The following MAPT variants were observed in gnomAD, a reference collection of about 807,000 sequenced individuals.
The protein encoded by MAPT is microtubule-associated protein tau.
In MAPT, 34 loss-of-function variants were observed where a neutral mutation model predicts 67.9. That is an observed-to-expected ratio of 0.50 (90% confidence interval 0.38 to 0.67). The LOEUF is 0.67. Ranked by LOEUF, MAPT falls within the 30% of genes least tolerant of loss-of-function variation. MAPT has a pLI of 0.00. For missense variants in MAPT, 881 were observed against 1,115.2 expected, an observed-to-expected ratio of 0.79 and a Z score of 2.99; for synonymous variants, 456 against 464.5, an observed-to-expected ratio of 0.98 and a Z score of 0.23.
At chr17:45,991,982 C>T (rs2074094172) in intron 8 of MAPT, among the ~76,000 whole-genome samples, 1 of 151,946 alleles carries the variant, frequency 6.6e-6, no homozygotes. Context: ...GACAGGGTTT[C>T]ACCATGTTGG....
chr17:45,996,188 A>C lies in MAPT; in HGVS notation c.1733-211A>C, dbSNP rs1383106803. 2.0e-5 allele frequency among the ~76,000 whole-genome samples: 3 copies of C among 152,068 alleles called. No homozygotes were observed. The highest frequency in any genetic ancestry group is 7.2e-5 in the African/African-American group (3 of 41,398). ...GATGGTTTTCCATTGCTTTCCTGGG[A>C]AAGGGGTGTCTCTGTCCCTAAGCAA... On this transcript the variant is annotated intron_variant, in intron 8 of 12. Transcript: ENST00000262410. The surrounding 1 kb of genome is among the most constrained non-coding windows in gnomAD (Gnocchi z 4.5).
At position 45,996,433 on chromosome 17, in the gene MAPT, C is replaced by T. The variant is rs750316359; in HGVS notation, c.1767C>T (p.Tyr589=). Residue 589 remains tyrosine, a synonymous_variant, in exon 9 of 13, where the codon TAC becomes TAT. Coordinates refer to ENST00000262410, the MANE Select transcript of MAPT (RefSeq NM_001377265.1). This position sits in a 1 kb window ranked among gnomAD's most constrained non-coding sequence, Gnocchi z 4.5. ...EPPKSGDRSG[Y]SSPGSPGTPG... is the part of the protein sequence containing the mutation. ...CAAAATCAGGGGATCGCAGCGGCTA[C>T]AGCAGCCCCGGCTCCCCAGGCACTC... 45 of 1,612,228 alleles carry T rather than the reference C, an allele frequency of 2.8e-5. No individual in the cohort carries two copies. Among genetic ancestry groups the T allele is most frequent in the Non-Finnish European group, 3.6e-5 (43 of 1,179,922 alleles).
intron 9 of MAPT, among the ~76,000 whole-genome samples, chr17:46,001,373 C>T (rs1400624420): frequency 6.6e-6 from 1 of 151,278 alleles, no homozygotes; most frequent in African/African-American, 2.4e-5. Context: ...AAAAAGAGTA[C>T]AAGAAAAGAA....
At chr17:45,990,908 C>T (rs1400996669) in intron 7 of MAPT, among the ~76,000 whole-genome samples, 1 of 152,166 alleles carries the variant, frequency 6.6e-6, no homozygotes, top group Non-Finnish European at 1.5e-5. Context: ...CTGGTGCTCG[C>T]CTCCTCGGGT....
intron 9 of MAPT, among the ~76,000 whole-genome samples, chr17:46,009,841 C>T (rs1053563632): frequency 1.3e-5 from 2 of 152,196 alleles, no homozygotes; most frequent in African/African-American, 4.8e-5. Flanking sequence ...GCCCGGCAGG[C>T]TTGAGAACAG....
intron 1 of MAPT, among the ~76,000 whole-genome samples, chr17:45,953,870 C>T (rs1302602753): frequency 6.6e-6 from 1 of 152,158 alleles, no homozygotes; most frequent in African/African-American, 2.4e-5. Context: ...CTTTGATTCT[C>T]CTGCTCCTGA....
chr17:45,920,502 G>A (rs1173531042), intron 1 of MAPT, among the ~76,000 whole-genome samples: 1 of 152,110 alleles, frequency 6.6e-6, no homozygotes, highest in Non-Finnish European at 1.5e-5. Flanking sequence ...TGACCCTCCG[G>A]CCCCAGCATT....
At chr17:45,936,917 G>C (rs774339209) in intron 1 of MAPT, among the ~76,000 whole-genome samples, 5 of 152,176 alleles carry the variant, frequency 3.3e-5, no homozygotes, top group Non-Finnish European at 5.9e-5. Flanking sequence ...CAGGGACATA[G>C]AGCAGTGTGC....
chr17:45,987,037 C>G lies in MAPT; in HGVS notation c.1352-3C>G. The G allele has an allele frequency of 6.2e-7, 1 of 1,613,496 alleles. No homozygotes were observed. The highest frequency in any genetic ancestry group is 8.5e-7 in the Non-Finnish European group (1 of 1,179,598). The stretch of plus-strand genomic sequence containing the variant: ...CAAGCATTCTTATTTTATATTTTAT[C>G]AGCTCGCATGGTCAGTAAAAGCAAA... On this transcript the variant is annotated splice_polypyrimidine_tract_variant and splice_region_variant and intron_variant, in intron 5 of 12. Transcript: ENST00000262410.
At position 45,991,495 on chromosome 17, in the gene MAPT, G is replaced by A. The variant is rs2074051819; in HGVS notation, c.1641G>A (p.Arg547=). 1 of 1,614,216 alleles carries A rather than the reference G, an allele frequency of 6.2e-7. No homozygotes were observed. The highest frequency in any genetic ancestry group is 8.5e-7 in the Non-Finnish European group (1 of 1,180,036). The change falls in exon 8 of 13, where the codon CGG becomes CGA. Residue 547 remains arginine, a synonymous_variant. Coordinates refer to ENST00000262410, the MANE Select transcript of MAPT (RefSeq NM_001377265.1). ...GTAAAACGAAGATCGCCACACCGCG[G>A]GGAGCAGCCCCTCCAGGCCAGAAGG... is the stretch of plus-strand genomic sequence containing the variant. ...ADGKTKIATP[R]GAAPPGQKGQ...
intron 1 of MAPT, among the ~76,000 whole-genome samples, chr17:45,899,015 C>T (rs1198242361): frequency 6.6e-6 from 1 of 152,156 alleles, no homozygotes; most frequent in East Asian, 1.9e-4. Context: ...TAGGTGCTTC[C>T]ACTAGTGACA....
At chr17:45,988,093 G>A (rs990503027) in intron 6 of MAPT, among the ~76,000 whole-genome samples, 8 of 152,130 alleles carry the variant, frequency 5.3e-5, no homozygotes, top group Admixed American at 3.3e-4. Flanking sequence ...CGTGTGCAGC[G>A]AGGGAAGGAG....
At chr17:45,956,472 C>T (rs1010409224) in intron 1 of MAPT, among the ~76,000 whole-genome samples, 8 of 151,576 alleles carry the variant, frequency 5.3e-5, no homozygotes, top group Non-Finnish European at 2.9e-5. Flanking sequence ...CATTGGGGAC[C>T]ACTGACCTCA....
intron 1 of MAPT, among the ~76,000 whole-genome samples, chr17:45,919,968 G>A (rs771374307): frequency 8.5e-5 from 13 of 152,174 alleles, no homozygotes; most frequent in Non-Finnish European, 1.9e-4. Flanking sequence ...AGGTGGGCTT[G>A]GCAGCACAAA....
intron 1 of MAPT, among the ~76,000 whole-genome samples, chr17:45,925,771 T>C (rs532865569): frequency 1.3e-5 from 2 of 150,052 alleles, no homozygotes; most frequent in East Asian, 3.8e-4. Context: ...AGGAAAAAAA[T>C]GTACAAACAT....
At chr17:46,002,678 C>G (rs925099751) in intron 9 of MAPT, among the ~76,000 whole-genome samples, 1 of 151,840 alleles carries the variant, frequency 6.6e-6, no homozygotes, top group African/African-American at 2.4e-5. Flanking sequence ...AGCCTTGGGG[C>G]GGGGGGTGCA....
intron 5 of MAPT, among the ~76,000 whole-genome samples, 183 bp downstream of exon 5, chr17:45,984,113 G>A (rs1031866094): frequency 6.6e-6 from 1 of 152,180 alleles, no homozygotes; most frequent in Non-Finnish European, 1.5e-5. Context: ...TGCTCAGGCT[G>A]TGGCCGCACG....
chr17:45,949,763 G>A (rs2068872744), intron 1 of MAPT, among the ~76,000 whole-genome samples: 1 of 152,126 alleles, frequency 6.6e-6, no homozygotes, highest in African/African-American at 2.4e-5. Context: ...TCTAGAACCT[G>A]AGTTATCATT....
At chr17:45,970,559 T>G (rs1165835850) in intron 2 of MAPT, among the ~76,000 whole-genome samples, 1 of 152,254 alleles carries the variant, frequency 6.6e-6, no homozygotes, top group African/African-American at 2.4e-5. Flanking sequence ...TAGATCCACA[T>G]GTATAAATCC....
Sources: allele counts gnomAD v4.1 joint callset (sites outside exome capture counted in the v4.1 genomes callset), GRCh38; gene constraint gnomAD v4.1.1; non-coding constraint Gnocchi (gnomAD v3.1); transcripts MANE v1.5; gene names NCBI Gene and HGNC (gene_info 2026-07-23, HGNC 2026-07-21).